The following MACROD2 variants were observed in gnomAD, a reference collection of about 807,000 sequenced individuals.
MACROD2 encodes mono-ADP ribosylhydrolase 2, also known as ADP-ribose glycohydrolase MACROD2.
A neutral mutation model predicts 70.4 loss-of-function variants in MACROD2; 36 were observed. The ratio of observed to expected loss-of-function variants is 0.51; its 90% CI spans 0.39 to 0.68. MACROD2 has a LOEUF of 0.68. Ranked by LOEUF, MACROD2 falls within the 30% of genes least tolerant of loss-of-function variation. MACROD2 has a pLI of 0.00. For synonymous variants in MACROD2, 172 were observed against 178.8 expected (o/e 0.96, Z 0.30); for missense variants, 496 against 538.4 (o/e 0.92, Z 0.78).
chr20:15,850,421 G>A (rs2064284108), intron 8 of MACROD2, among the ~76,000 whole-genome samples: 1 of 152,212 alleles, frequency 6.6e-6, no homozygotes, highest in Admixed American at 6.5e-5. Context: ...GCAAAGAAGT[G>A]CAGGTGCTTG....
At chr20:14,587,691 A>C (rs371592790) in intron 4 of MACROD2, among the ~76,000 whole-genome samples, 7 of 151,468 alleles carry the variant, frequency 4.6e-5, no homozygotes, top group Non-Finnish European at 1.0e-4. Flanking sequence ...GATTTAATTT[A>C]AAGAATTTCA....
At chr20:15,819,454 TA>T (rs2063915316) in intron 8 of MACROD2, among the ~76,000 whole-genome samples, 1 of 143,772 alleles carries the variant, frequency 7.0e-6, no homozygotes, top group Non-Finnish European at 1.5e-5. Context: ...TAAATATATA[TA>T]AATATATAAG....
intron 6 of MACROD2, among the ~76,000 whole-genome samples, chr20:15,310,857 G>A (rs774024030): frequency 2.0e-5 from 3 of 152,096 alleles, no homozygotes; most frequent in Non-Finnish European, 2.9e-5. Flanking sequence ...TGGCTAGCCC[G>A]TTTGCACTAT....
intron 7 of MACROD2, among the ~76,000 whole-genome samples, chr20:15,442,335 C>T (rs1047827253): frequency 6.6e-6 from 1 of 152,004 alleles, no homozygotes; most frequent in African/African-American, 2.4e-5. Flanking sequence ...AAAAAGACTC[C>T]GAAATAGACT....
At chr20:15,762,770 C>G (rs1204020423) in intron 8 of MACROD2, among the ~76,000 whole-genome samples, 3 of 152,126 alleles carry the variant, frequency 2.0e-5, no homozygotes, top group Non-Finnish European at 2.9e-5. Context: ...TAACCAAAGA[C>G]CATCCAGATA....
At chr20:14,862,644 T>A (rs1309810826) in intron 5 of MACROD2, among the ~76,000 whole-genome samples, 3 of 9,968 alleles carry the variant, frequency 3.0e-4, no homozygotes, top group African/African-American at 9.9e-4. Flanking sequence ...TATATATAAA[T>A]ATATATATAT....
At chr20:14,017,748 T>G (rs2053015007) in intron 2 of MACROD2, among the ~76,000 whole-genome samples, 1 of 152,118 alleles carries the variant, frequency 6.6e-6, no homozygotes, top group Admixed American at 6.5e-5. Flanking sequence ...ATAAAGGATA[T>G]TGGTCTGGTT....
At chr20:15,350,179 G>C (rs2078212304) in intron 6 of MACROD2, among the ~76,000 whole-genome samples, 1 of 152,132 alleles carries the variant, frequency 6.6e-6, no homozygotes. Flanking sequence ...GGTACGCCTT[G>C]CTTTTGGCAT....
chr20:15,702,080 G>A (rs2050468683), intron 8 of MACROD2, among the ~76,000 whole-genome samples: 1 of 152,180 alleles, frequency 6.6e-6, no homozygotes, highest in Non-Finnish European at 1.5e-5. Flanking sequence ...GGGCATCTAG[G>A]TTGATTCCAT....
At chr20:14,765,632 A>G (rs931939116) in intron 5 of MACROD2, among the ~76,000 whole-genome samples, 2 of 152,104 alleles carry the variant, frequency 1.3e-5, no homozygotes, top group African/African-American at 4.8e-5. Flanking sequence ...TAGGGTTGAA[A>G]GGGACCCTAG....
chr20:14,814,178 A>G (rs368120830), intron 5 of MACROD2, among the ~76,000 whole-genome samples: 52 of 152,272 alleles, frequency 3.4e-4, no homozygotes, highest in African/African-American at 1.2e-3. Context: ...GAGCCCGGAC[A>G]GAGTGCATTC....
intron 8 of MACROD2, among the ~76,000 whole-genome samples, chr20:15,795,637 T>C (rs1297734130): frequency 6.6e-6 from 1 of 152,216 alleles, no homozygotes; most frequent in Non-Finnish European, 1.5e-5. Context: ...GTTTAATCTG[T>C]AGTCCCGATT....
chr20:15,946,620 G>A (rs2065826847), intron 12 of MACROD2, among the ~76,000 whole-genome samples: 1 of 152,182 alleles, frequency 6.6e-6, no homozygotes. Context: ...CCTCTTAAGA[G>A]TAGGTACAAA....
At chr20:14,360,744 A>G (rs2083213347) in intron 3 of MACROD2, among the ~76,000 whole-genome samples, 1 of 152,240 alleles carries the variant, frequency 6.6e-6, no homozygotes, top group African/African-American at 2.4e-5. Context: ...AAAGCATTTC[A>G]GGAATGCCTC....
chr20:14,176,177 T>C (rs976020120), intron 3 of MACROD2, among the ~76,000 whole-genome samples: 2 of 152,228 alleles, frequency 1.3e-5, no homozygotes, highest in Admixed American at 6.5e-5. Flanking sequence ...TTATTAGAGA[T>C]GTTTATCTGA....
intron 3 of MACROD2, among the ~76,000 whole-genome samples, chr20:14,202,226 C>A (rs1249532113): frequency 6.6e-6 from 1 of 152,036 alleles, no homozygotes; most frequent in Non-Finnish European, 1.5e-5. Flanking sequence ...TTTCTTCACC[C>A]AAAGTGATTG....
intron 4 of MACROD2, among the ~76,000 whole-genome samples, chr20:14,604,630 AG>A (rs1254076807): frequency 3.3e-5 from 5 of 152,138 alleles, no homozygotes; most frequent in Admixed American, 2.6e-4. Flanking sequence ...CCTTTCCTTA[AG>A]GCATTTTATT....
intron 3 of MACROD2, among the ~76,000 whole-genome samples, chr20:14,109,330 G>C (rs1008090765): frequency 6.6e-6 from 1 of 151,714 alleles, no homozygotes; most frequent in African/African-American, 2.4e-5. Flanking sequence ...ATAACCTATT[G>C]ATGCATGTTA....
At chr20:14,789,821 T>C (rs1281991130) in intron 5 of MACROD2, among the ~76,000 whole-genome samples, 1 of 151,908 alleles carries the variant, frequency 6.6e-6, no homozygotes, top group Non-Finnish European at 1.5e-5. Flanking sequence ...CCCACCTTGA[T>C]TTACATTAGG....
Sources: gnomAD v4.1 joint callset for allele counts (sites outside exome capture counted in the v4.1 genomes callset) on GRCh38, gnomAD v4.1.1 for gene constraint, MANE v1.5 for transcripts, NCBI Gene and HGNC (gene_info 2026-07-23, HGNC 2026-07-21) for gene names.